The following KIRREL3 variants were observed in gnomAD, a reference collection of about 807,000 sequenced individuals.
KIRREL3 encodes kirre like nephrin family adhesion molecule 3.
Under a neutral mutation model 89.7 loss-of-function variants are expected in KIRREL3, and 36 were observed. The ratio of observed to expected loss-of-function variants is 0.40; its 90% CI spans 0.31 to 0.53. KIRREL3 has a LOEUF of 0.53. Ranked by LOEUF, KIRREL3 falls within the 20% of genes least tolerant of loss-of-function variation. The pLI, the probability that KIRREL3 is intolerant of heterozygous loss-of-function variation, is 0.49. For synonymous variants in KIRREL3, 445 were observed against 441.4 expected (o/e 1.01, Z -0.10); for missense variants, 864 against 1,056.6 (o/e 0.82, Z 2.53).
chr11:127,000,607 G>T lies in KIRREL3; in HGVS notation c.-98C>A. 3 of 1,304,458 alleles carry T rather than the reference G, an allele frequency of 2.3e-6. No homozygotes were observed. The highest frequency in any genetic ancestry group is 2.6e-5 in the East Asian group (1 of 38,244). 80.8% of individuals were successfully genotyped at this position (1,304,458 alleles called of 1,614,324 possible). A position where few individuals can be genotyped will look rare whatever the true frequency, so the allele number is the denominator to read the frequency against. On this transcript the variant is annotated 5_prime_UTR_variant, in exon 1 of 17. Transcript: ENST00000525144. The surrounding 1 kb of genome is among the most constrained non-coding windows in gnomAD (Gnocchi z 7.1). ...GTGCTCAGCCTCCGCCGGTCCTCTC[G>T]GGTTCGCGCCTACCATCTGTCCGTC...
intron 1 of KIRREL3, among the ~76,000 whole-genome samples, chr11:126,839,790 G>C (rs1943903044): frequency 1.3e-5 from 2 of 152,110 alleles, no homozygotes; most frequent in African/African-American, 4.8e-5. Flanking sequence ...CTACTTATAC[G>C]CTAAAATGTA....
rs1455758125 is a variant in KIRREL3 at position 126,752,352 on chromosome 11, T to C, written c.56-189440A>G. ...TTTCCTGAGAGTTGAAATGATGGCTTTAAAAAATGTCAGGATTAGTTGGGC... is the reference window on the plus strand; with the variant it reads ...TTTCCTGAGAGTTGAAATGATGGCTCTAAAAAATGTCAGGATTAGTTGGGC... On this transcript the variant is annotated intron_variant, in intron 1 of 16. Coordinates refer to ENST00000525144, the MANE Select transcript of KIRREL3 (RefSeq NM_032531.4). The surrounding 1 kb of genome is among the most constrained non-coding windows in gnomAD (Gnocchi z 4.8). 1.3e-5 allele frequency among the ~76,000 whole-genome samples: 2 copies of C among 152,008 alleles called. No individual in the cohort carries two copies. Among genetic ancestry groups the C allele is most frequent in the Non-Finnish European group, 2.9e-5 (2 of 68,006 alleles).
intron 1 of KIRREL3, among the ~76,000 whole-genome samples, chr11:126,835,890 T>A (rs1039982972): frequency 6.6e-6 from 1 of 152,156 alleles, no homozygotes; most frequent in African/African-American, 2.4e-5. Context: ...ATCAACCATA[T>A]GGGCAATCAA....
chr11:126,487,553 A>G (rs1957398209), intron 4 of KIRREL3, among the ~76,000 whole-genome samples: 1 of 152,246 alleles, frequency 6.6e-6, no homozygotes, highest in Non-Finnish European at 1.5e-5. Flanking sequence ...GAATCCTAAG[A>G]GGAAAAAGTC....
rs1238016845 is a variant in KIRREL3, at chr11:126,782,854, A to G, written c.55+217601T>C. ...TATCTCCTGAGAAAGCCTACTAGCA[A>G]CAACATTACAGTAGCAACAAGCACA... On this transcript the variant is annotated intron_variant, in intron 1 of 16. Coordinates refer to ENST00000525144, the MANE Select transcript of KIRREL3 (RefSeq NM_032531.4). This position sits in a 1 kb window ranked among gnomAD's most constrained non-coding sequence, Gnocchi z 4.1. Among the ~76,000 whole-genome samples the G allele has an allele frequency of 1.3e-5, 2 of 152,154 alleles. No individual in the cohort carries two copies. Among genetic ancestry groups the G allele is most frequent in the African/African-American group, 2.4e-5 (1 of 41,390 alleles).
rs1446805962 is a variant in KIRREL3, at chr11:126,755,969, T to G, written c.56-193057A>C. Reference sequence around the variant, plus strand: ...TAATTTCAATCACATCTAGGTGTTATCTTGATATAAGAACAGGTATCATTA... The same window carrying G: ...TAATTTCAATCACATCTAGGTGTTAGCTTGATATAAGAACAGGTATCATTA... On this transcript the variant is annotated intron_variant, in intron 1 of 16. Transcript: ENST00000525144. The surrounding 1 kb of genome is among the most constrained non-coding windows in gnomAD (Gnocchi z 4.3). 6.6e-6 allele frequency among the ~76,000 whole-genome samples: 1 copy of G among 152,178 alleles called. No homozygotes were observed. Among genetic ancestry groups the G allele is most frequent in the Non-Finnish European group, 1.5e-5 (1 of 68,046 alleles).
At chr11:126,863,598 C>CGT (rs533960262) in intron 1 of KIRREL3, among the ~76,000 whole-genome samples, 2,152 of 74,620 alleles carry the variant, frequency 0.029, 74 homozygotes, top group African/African-American at 0.11. Flanking sequence ...TGTTTGAGTG[C>CGT]GTGTGTGTTT....
chr11:126,610,342 T>G lies in KIRREL3; in HGVS notation c.56-47430A>C, dbSNP rs2083971138. Among the ~76,000 whole-genome samples the G allele has an allele frequency of 6.6e-6, 1 of 152,234 alleles. No individual in the cohort carries two copies. Among genetic ancestry groups the G allele is most frequent in the African/African-American group, 2.4e-5 (1 of 41,456 alleles). On this transcript the variant is annotated intron_variant, in intron 1 of 16. Coordinates refer to ENST00000525144, the MANE Select transcript of KIRREL3 (RefSeq NM_032531.4). This position sits in a 1 kb window ranked among gnomAD's most constrained non-coding sequence, Gnocchi z 4.6. ...CCTGGTCTCAAACAATCTGTCTGCC[T>G]TGGCCTCCCAAATTGCTGGGATTAC...
rs1188883671 is a variant in KIRREL3, at chr11:126,709,419, T to C, written c.56-146507A>G. Among the ~76,000 whole-genome samples the C allele has an allele frequency of 1.3e-5, 2 of 152,194 alleles. No homozygotes were observed. The highest frequency in any genetic ancestry group is 2.1e-4 in the South Asian group (1 of 4,828). ...AAGACAGAGTTCACACCTAACTGGC[T>C]AAAGTACAGGCAAACACCTGCTAAT... On this transcript the variant is annotated intron_variant, in intron 1 of 16. Transcript: ENST00000525144. The surrounding 1 kb of genome is among the most constrained non-coding windows in gnomAD (Gnocchi z 4.0).
At position 126,752,820 on chromosome 11, in the gene KIRREL3, C is replaced by T. The variant is rs1218643728; in HGVS notation, c.56-189908G>A. Among the ~76,000 whole-genome samples the T allele has an allele frequency of 6.6e-6, 1 of 152,172 alleles. No homozygotes were observed. Among genetic ancestry groups the T allele is most frequent in the Non-Finnish European group, 1.5e-5 (1 of 68,034 alleles). ...TTGGGAATTTCAGGAGGAAATGGAG[C>T]TGGAAAGGTGGTGTTGGAGGCACGG... On this transcript the variant is annotated intron_variant, in intron 1 of 16. Transcript: ENST00000525144. This position sits in a 1 kb window ranked among gnomAD's most constrained non-coding sequence, Gnocchi z 4.8.
In KIRREL3 at chr11:126,530,789, C is replaced by A. The variant is rs200714296; in HGVS notation, c.134-4102G>T. Among the ~76,000 whole-genome samples, 18 of 152,290 alleles carry A rather than the reference C, an allele frequency of 1.2e-4. No homozygotes were observed. The East Asian group carries it at 3.5e-3, about 29-fold the overall frequency. ...CTGATGATGTTCCCCTGGTGTGAAG[C>A]CTTGGCGGCCGGTGCAATCTCCCCT... On this transcript the variant is annotated intron_variant, in intron 2 of 16. Transcript: ENST00000525144. The surrounding 1 kb of genome is among the most constrained non-coding windows in gnomAD (Gnocchi z 5.8).
In KIRREL3 at chr11:126,495,260, T is replaced by C. The variant is rs1957626826; in HGVS notation, c.434-21794A>G. On this transcript the variant is annotated intron_variant, in intron 4 of 16. Transcript: ENST00000525144. The surrounding 1 kb of genome is among the most constrained non-coding windows in gnomAD (Gnocchi z 6.5). ...GGAACTCCCAGTGGCTTTCCCTTGTTTGCAGAGTGCAGTGTGACCCATCAG... is the reference window on the plus strand; with the variant it reads ...GGAACTCCCAGTGGCTTTCCCTTGTCTGCAGAGTGCAGTGTGACCCATCAG... Among the ~76,000 whole-genome samples, 1 of 152,152 alleles carries C rather than the reference T, an allele frequency of 6.6e-6. No homozygotes were observed. The highest frequency in any genetic ancestry group is 2.4e-5 in the African/African-American group (1 of 41,422).
At position 126,772,389 on chromosome 11, in the gene KIRREL3, C is replaced by T. The variant is rs957460773; in HGVS notation, c.56-209477G>A. Among the ~76,000 whole-genome samples the T allele has an allele frequency of 3.3e-5, 5 of 152,140 alleles. No homozygotes were observed. The highest frequency in any genetic ancestry group is 9.7e-5 in the African/African-American group (4 of 41,420). ...CATGCAGGTGGAATGCCAGGCTCAGCGGCACCACGTGGTGCGGGGATGGCT... is the reference window on the plus strand; with the variant it reads ...CATGCAGGTGGAATGCCAGGCTCAGTGGCACCACGTGGTGCGGGGATGGCT... On this transcript the variant is annotated intron_variant, in intron 1 of 16. Coordinates refer to ENST00000525144, the MANE Select transcript of KIRREL3 (RefSeq NM_032531.4). This position sits in a 1 kb window ranked among gnomAD's most constrained non-coding sequence, Gnocchi z 4.6.
At chr11:126,461,952 C>T (rs895003406) in intron 6 of KIRREL3, among the ~76,000 whole-genome samples, 5 of 152,150 alleles carry the variant, frequency 3.3e-5, no homozygotes, top group Non-Finnish European at 5.9e-5. Flanking sequence ...CTTGCAGTAG[C>T]GTTATGTTTG....
At chr11:126,928,437 G>T (rs565012264) in intron 1 of KIRREL3, among the ~76,000 whole-genome samples, 1 of 152,364 alleles carries the variant, frequency 6.6e-6, no homozygotes, top group African/African-American at 2.4e-5. Context: ...AGGTCCAGAG[G>T]CTGGGATTGC....
rs905046349 is a variant in KIRREL3 at position 126,471,528 on chromosome 11, G to A, written c.591+1781C>T. Among the ~76,000 whole-genome samples the A allele has an allele frequency of 2.0e-5, 3 of 152,126 alleles. No individual in the cohort carries two copies. The highest frequency in any genetic ancestry group is 7.2e-5 in the African/African-American group (3 of 41,432). ...TGGGGAGAGTGTGGGCACAGCCTCT[G>A]TTGTGGCTTGCTTTCATAGGAAGGA... On this transcript the variant is annotated intron_variant, in intron 5 of 16. Coordinates refer to ENST00000525144, the MANE Select transcript of KIRREL3 (RefSeq NM_032531.4). The surrounding 1 kb of genome is among the most constrained non-coding windows in gnomAD (Gnocchi z 5.4).
Position 126,562,807 on chromosome 11 carries a change from C to T in KIRREL3, c.133+28G>A, listed in dbSNP as rs145057642. On this transcript the variant is annotated intron_variant, in intron 2 of 16. Transcript: ENST00000525144. The surrounding 1 kb of genome is among the most constrained non-coding windows in gnomAD (Gnocchi z 4.7). ...AGAGCTTCCTCCCTCCAGATTACTC[C>T]CGAGACAATGGGGAGGTTCTCACTG... is the stretch of plus-strand genomic sequence containing the variant. 4.4e-4 allele frequency: 711 copies of T among 1,599,652 alleles called. 4 individuals are homozygous for T. In the African/African-American group the frequency reaches 7.0e-3, roughly 16 times the overall value.
Position 126,953,772 on chromosome 11 carries a change from C to G in KIRREL3, c.55+46683G>C, listed in dbSNP as rs182904833. On this transcript the variant is annotated intron_variant, in intron 1 of 16. Coordinates refer to ENST00000525144, the MANE Select transcript of KIRREL3 (RefSeq NM_032531.4). This position sits in a 1 kb window ranked among gnomAD's most constrained non-coding sequence, Gnocchi z 5.2. Reference sequence around the variant, plus strand: ...AGGAAAGAGTTTTCATGATTTCTGCCTCTCAGAGGTCTCTCAAACAGCTTT... The same window carrying G: ...AGGAAAGAGTTTTCATGATTTCTGCGTCTCAGAGGTCTCTCAAACAGCTTT... Among the ~76,000 whole-genome samples, 1 of 152,306 alleles carries G rather than the reference C, an allele frequency of 6.6e-6. No individual in the cohort carries two copies. Among genetic ancestry groups the G allele is most frequent in the Non-Finnish European group, 1.5e-5 (1 of 68,032 alleles).
At chr11:126,732,466 G>A (rs551487519) in intron 1 of KIRREL3, among the ~76,000 whole-genome samples, 1 of 152,250 alleles carries the variant, frequency 6.6e-6, no homozygotes, top group Admixed American at 6.5e-5. Context: ...CAAAACCCTA[G>A]CGCTCTCTGG....
Sources: allele counts gnomAD v4.1 joint callset (sites outside exome capture counted in the v4.1 genomes callset), GRCh38; gene constraint gnomAD v4.1.1; non-coding constraint Gnocchi (gnomAD v3.1); transcripts MANE v1.5; gene names NCBI Gene and HGNC (gene_info 2026-07-23, HGNC 2026-07-21).